Variants in CNTNAP5 observed in about 807,000 individuals in gnomAD.
CNTNAP5 encodes contactin-associated protein-like 5.
Under a neutral mutation model 150.2 loss-of-function variants are expected in CNTNAP5, and 72 were observed. The ratio of observed to expected loss-of-function variants is 0.48; its 90% CI spans 0.40 to 0.58. The LOEUF (loss-of-function observed/expected upper bound fraction) is 0.58. CNTNAP5 is among the 20% of genes least tolerant of loss of function. The pLI, the probability that CNTNAP5 is intolerant of heterozygous loss-of-function variation, is 0.00. For synonymous variants in CNTNAP5, 672 were observed against 619.8 expected (o/e 1.08, Z -1.25); for missense variants, 1,636 against 1,626.2 (o/e 1.01, Z -0.10).
At chr2:124,455,551 C>T (rs1315221934) in intron 6 of CNTNAP5, among the ~76,000 whole-genome samples, 1 of 152,080 alleles carries the variant, frequency 6.6e-6, no homozygotes, top group East Asian at 1.9e-4. Context: ...AGAGAACCCT[C>T]CCTAAGTCAT....
intron 1 of CNTNAP5, among the ~76,000 whole-genome samples, chr2:124,077,380 T>G (rs1050764396): frequency 6.6e-5 from 10 of 152,224 alleles, no homozygotes; most frequent in African/African-American, 2.4e-4. Context: ...CTAAGCTGTG[T>G]GATAAACTAG....
chr2:124,701,650 C>T (rs12612581), intron 13 of CNTNAP5, among the ~76,000 whole-genome samples: 19,953 of 152,034 alleles, frequency 0.13, 1,568 homozygotes, highest in Non-Finnish European at 0.18. Context: ...TACAAGAGTT[C>T]CCTTCTATCC....
intron 19 of CNTNAP5, among the ~76,000 whole-genome samples, chr2:124,831,245 A>C (rs1428762493): frequency 6.6e-6 from 1 of 151,906 alleles, no homozygotes; most frequent in Non-Finnish European, 1.5e-5. Flanking sequence ...GGTTTGTCCA[A>C]TACCTTCTCT....
chr2:124,266,716 T>C (rs766930147), intron 3 of CNTNAP5, among the ~76,000 whole-genome samples: 13 of 152,156 alleles, frequency 8.5e-5, no homozygotes, highest in Non-Finnish European at 1.8e-4. Flanking sequence ...CTTTATATCA[T>C]GTTTTACTTC....
At chr2:124,239,601 A>G (rs987099180) in intron 2 of CNTNAP5, among the ~76,000 whole-genome samples, 5 of 152,138 alleles carry the variant, frequency 3.3e-5, no homozygotes, top group African/African-American at 4.8e-5. Flanking sequence ...GAAGAGTATA[A>G]AATCACTCAT....
chr2:124,425,500 G>C lies in CNTNAP5; in HGVS notation c.529+7910G>C, dbSNP rs148304552. On this transcript the variant is annotated intron_variant, in intron 4 of 23. Coordinates refer to ENST00000682447, the MANE Select transcript of CNTNAP5 (RefSeq NM_001367498.1). ...TTTCCTTCTGTGAGTTTGTGGCTAAGATTTCTGAAACCTCATCCCCATAGT... is the reference window on the plus strand; with the variant it reads ...TTTCCTTCTGTGAGTTTGTGGCTAACATTTCTGAAACCTCATCCCCATAGT... 4.1e-3 allele frequency among the ~76,000 whole-genome samples: 631 copies of C among 152,280 alleles called. 4 individuals carry two copies. Among genetic ancestry groups the C allele is most frequent in the Non-Finnish European group, 7.5e-3 (507 of 68,018 alleles).
chr2:124,409,216 A>G (rs1691679949), intron 3 of CNTNAP5, among the ~76,000 whole-genome samples: 1 of 120,666 alleles, frequency 8.3e-6, no homozygotes, highest in African/African-American at 3.0e-5. Context: ...TCCAAGAAAT[A>G]TGGGACTATG....
At chr2:124,158,258 A>G (rs369870719) in intron 1 of CNTNAP5, among the ~76,000 whole-genome samples, 85 of 152,278 alleles carry the variant, frequency 5.6e-4, no homozygotes, top group African/African-American at 2.0e-3. Context: ...TTGATGAGAT[A>G]ATGTACAATG....
chr2:124,898,060 G>A (rs971475378), intron 21 of CNTNAP5, among the ~76,000 whole-genome samples: 7 of 150,470 alleles, frequency 4.7e-5, no homozygotes, highest in Admixed American at 4.6e-4. Flanking sequence ...CCTCCTTGTA[G>A]TTAAGTTTTC....
intron 13 of CNTNAP5, among the ~76,000 whole-genome samples, chr2:124,705,266 A>G (rs12471292): frequency 0.16 from 24,762 of 152,082 alleles, 2,290 homozygotes; most frequent in East Asian, 0.24. Flanking sequence ...GGTGGCTCAC[A>G]CCTGTAATCC....
chr2:124,464,512 A>T (rs139442868), intron 6 of CNTNAP5, among the ~76,000 whole-genome samples: 1 of 152,334 alleles, frequency 6.6e-6, no homozygotes, highest in African/African-American at 2.4e-5. Flanking sequence ...CATGATATGT[A>T]CTACGAGCAT....
Position 124,489,755 on chromosome 2 carries a change from A to C in CNTNAP5, c.1063-14537A>C, listed in dbSNP as rs544544086. ...CTCCATCTTCCATTCTGAGAGTCCC[A>C]ATAGGCTGCTGGAGCTTGAGGTATT... is the stretch of plus-strand genomic sequence containing the variant. On this transcript the variant is annotated intron_variant, in intron 7 of 23. Coordinates refer to ENST00000682447, the MANE Select transcript of CNTNAP5 (RefSeq NM_001367498.1). Among the ~76,000 whole-genome samples the C allele has an allele frequency of 3.9e-5, 6 of 152,218 alleles. No individual in the cohort carries two copies. In the South Asian group the frequency reaches 1.2e-3, roughly 32 times the overall value.
intron 3 of CNTNAP5, among the ~76,000 whole-genome samples, chr2:124,339,215 C>T (rs760057956): frequency 1.1e-4 from 17 of 152,154 alleles, no homozygotes; most frequent in Admixed American, 3.3e-4. Context: ...AACCCTCTCT[C>T]TCCCATTCCA....
At chr2:124,488,537 T>C (rs1250766636) in intron 7 of CNTNAP5, among the ~76,000 whole-genome samples, 1 of 152,192 alleles carries the variant, frequency 6.6e-6, no homozygotes, top group Non-Finnish European at 1.5e-5. Flanking sequence ...CGTTTTATAT[T>C]TTGCTCTAAT....
chr2:124,458,774 G>A (rs1693180851), intron 6 of CNTNAP5, among the ~76,000 whole-genome samples: 1 of 152,062 alleles, frequency 6.6e-6, no homozygotes, highest in Non-Finnish European at 1.5e-5. Context: ...GAAAAAATAT[G>A]TAAAGAAAAT....
Position 124,877,795 on chromosome 2 carries a change from G to T in CNTNAP5, c.3436+8033G>T, listed in dbSNP as rs140546773. Among the ~76,000 whole-genome samples, 70 of 151,952 alleles carry T rather than the reference G, an allele frequency of 4.6e-4. No homozygotes were observed. In the East Asian group the frequency reaches 0.012, roughly 27 times the overall value. On this transcript the variant is annotated intron_variant, in intron 21 of 23. Transcript: ENST00000682447. Reference sequence around the variant, plus strand: ...GTTACAAAATAATAGTACTAAAAATGGTATAATATTTATAGCATGCTAATA... The same window carrying T: ...GTTACAAAATAATAGTACTAAAAATTGTATAATATTTATAGCATGCTAATA...
At position 124,376,694 on chromosome 2, in the gene CNTNAP5, A is replaced by G. The variant is rs576889622; in HGVS notation, c.382-40749A>G. On this transcript the variant is annotated intron_variant, in intron 3 of 23. Transcript: ENST00000682447. ...TCATGCCATTCCATGCTAATATCCA[A>G]TTTTGTGTGAGCATGTCATTCCATG... Among the ~76,000 whole-genome samples the G allele has an allele frequency of 1.8e-3, 274 of 152,156 alleles. 2 individuals are homozygous for G. The highest frequency in any genetic ancestry group is 6.3e-3 in the African/African-American group (261 of 41,526).
intron 1 of CNTNAP5, among the ~76,000 whole-genome samples, chr2:124,083,945 C>T (rs966900274): frequency 2.0e-5 from 3 of 151,944 alleles, no homozygotes; most frequent in African/African-American, 7.2e-5. Flanking sequence ...TTTGATCGGA[C>T]TTGTGTTAAA....
intron 7 of CNTNAP5, among the ~76,000 whole-genome samples, chr2:124,496,961 G>A (rs775700390): frequency 1.3e-5 from 2 of 152,140 alleles, no homozygotes; most frequent in African/African-American, 2.4e-5. Context: ...TCAACAAAGA[G>A]TAGTCCCTTA....
Sources: gnomAD v4.1 joint callset for allele counts (sites outside exome capture counted in the v4.1 genomes callset) on GRCh38, gnomAD v4.1.1 for gene constraint, MANE v1.5 for transcripts, NCBI Gene and HGNC (gene_info 2026-07-23, HGNC 2026-07-21) for gene names.